The following ZNF292 variants were observed in gnomAD, a reference collection of about 807,000 sequenced individuals.
ZNF292 encodes the protein zinc finger protein 292.
ZNF292 carries 26 observed loss-of-function variants against 217.9 expected under a neutral mutation model. The observed-to-expected ratio is 0.12, with a 90% CI of 0.09 to 0.17. ZNF292 has a LOEUF of 0.17. Ranked by LOEUF, ZNF292 falls within the 10% of genes least tolerant of loss-of-function variation. ZNF292 has a pLI of 1.00. For synonymous variants in ZNF292, 1,257 were observed against 1,124.1 expected, an observed-to-expected ratio of 1.12 and a Z score of -2.37; for missense variants, 2,904 against 3,175.2, an observed-to-expected ratio of 0.91 and a Z score of 2.05.
chr6:87,225,006 A>G (rs1441637196), intron 4 of ZNF292, among the ~76,000 whole-genome samples: 1 of 152,182 alleles, frequency 6.6e-6, no homozygotes, highest in Non-Finnish European at 1.5e-5. Flanking sequence ...CTTTTGCCCC[A>G]TACCCTTACC....
intron 1 of ZNF292, among the ~76,000 whole-genome samples, chr6:87,210,356 C>T (rs1434725380): frequency 6.6e-6 from 1 of 152,022 alleles, no homozygotes; most frequent in Non-Finnish European, 1.5e-5. Context: ...GAAAAAAAGT[C>T]AAAAGTCTCC....
chr6:87,189,231 A>AT (rs1174516256), intron 1 of ZNF292, among the ~76,000 whole-genome samples: 1 of 151,992 alleles, frequency 6.6e-6, no homozygotes, highest in Non-Finnish European at 1.5e-5. Flanking sequence ...AAATAAATAA[A>AT]TAAAATAAAA....
chr6:87,259,831 A>G lies in ZNF292; in HGVS notation c.6202A>G (p.Asn2068Asp), dbSNP rs775888714. 1.9e-5 allele frequency: 31 copies of G among 1,612,610 alleles called. No homozygotes were observed. The highest frequency in any genetic ancestry group is 3.3e-4 in the Middle Eastern group (2 of 6,060). The part of the protein sequence containing the change: ...QVITVTSEQC[N>D]TNALTNTQTK... ...GATTACAGTTACTTCAGAACAATGT[A>G]ATACAAATGCACTCACAAACACACA... Residue 2068 changes from asparagine (N) to aspartate (D), a missense_variant, in exon 8 of 8, where the codon AAT becomes GAT. By Grantham distance (23) the Asn-to-Asp change is conservative. Around this residue, in one of 15 missense-constraint regions of ZNF292, gnomAD observed 261 missense variants for 272.8 expected, o/e 0.96. Transcript: ENST00000369577.
At chr6:87,169,471 A>T (rs2127772528) in intron 1 of ZNF292, among the ~76,000 whole-genome samples, 1 of 152,274 alleles carries the variant, frequency 6.6e-6, no homozygotes, top group Non-Finnish European at 1.5e-5. Flanking sequence ...TTATACAGAT[A>T]ATCAGAAAGC....
At chr6:87,239,931 C>T (rs1403000768) in intron 5 of ZNF292, among the ~76,000 whole-genome samples, 2 of 152,006 alleles carry the variant, frequency 1.3e-5, no homozygotes, top group African/African-American at 2.4e-5. Context: ...AGAGACGCTC[C>T]TCACTTCCCA....
In ZNF292 at chr6:87,264,572, A is replaced by G. The variant is rs117830517; in HGVS notation, c.*2771A>G. Among the ~76,000 whole-genome samples the G allele has an allele frequency of 9.2e-5, 14 of 152,300 alleles. No individual in the cohort carries two copies. In the East Asian group the frequency reaches 2.7e-3, roughly 29 times the overall value. The stretch of plus-strand genomic sequence containing the variant: ...TAGGTAGTTGGGAAAGTCTTTGTAG[A>G]AAATATGAGTTTTGAAAGATGAATG... On this transcript the variant is annotated 3_prime_UTR_variant, in exon 8 of 8. Coordinates refer to ENST00000369577, the MANE Select transcript of ZNF292 (RefSeq NM_015021.3).
chr6:87,172,839 C>T (rs975183419), intron 1 of ZNF292, among the ~76,000 whole-genome samples: 3 of 150,738 alleles, frequency 2.0e-5, no homozygotes, highest in Non-Finnish European at 2.9e-5. Context: ...CCTGGGAAGT[C>T]GAGGTTGCAG....
intron 5 of ZNF292, among the ~76,000 whole-genome samples, chr6:87,243,147 TG>T (rs767385528): frequency 2.0e-5 from 3 of 152,090 alleles, no homozygotes; most frequent in Non-Finnish European, 4.4e-5. Context: ...TCTGATTTAA[TG>T]GGTAGAGATT....
At chr6:87,224,233 C>T (rs1773229785) in intron 4 of ZNF292, among the ~76,000 whole-genome samples, 1 of 152,094 alleles carries the variant, frequency 6.6e-6, no homozygotes, top group South Asian at 2.1e-4. Context: ...TTCTCCATTC[C>T]TTTCAGTGAG....
intron 1 of ZNF292, among the ~76,000 whole-genome samples, chr6:87,196,541 T>A (rs1485619832): frequency 6.6e-6 from 1 of 152,248 alleles, no homozygotes; most frequent in Non-Finnish European, 1.5e-5. Flanking sequence ...TGGGAAAAGT[T>A]ATGTGATTGC....
intron 7 of ZNF292, among the ~76,000 whole-genome samples, chr6:87,250,611 A>G (rs1204365371): frequency 6.6e-6 from 1 of 152,238 alleles, no homozygotes; most frequent in Non-Finnish European, 1.5e-5. Flanking sequence ...GAAGATGTCC[A>G]TAGTTTGTAT....
rs111457939 is a variant in ZNF292 at position 87,174,708 on chromosome 6, C to T, written c.168+18949C>T. On this transcript the variant is annotated intron_variant, in intron 1 of 7. Transcript: ENST00000369577. ...ACTTACGCTGCTTATTCTTGTCTTACGTACTAAGGCCCATTAAACTCATTT... is the reference window on the plus strand; with the variant it reads ...ACTTACGCTGCTTATTCTTGTCTTATGTACTAAGGCCCATTAAACTCATTT... 3.7e-3 allele frequency among the ~76,000 whole-genome samples: 556 copies of T among 152,234 alleles called. 2 individuals carry two copies. Among genetic ancestry groups the T allele is most frequent in the African/African-American group, 0.013 (535 of 41,550 alleles).
chr6:87,259,492 A>G lies in ZNF292; in HGVS notation c.5863A>G (p.Thr1955Ala). Reference sequence around the variant, plus strand: ...CTTTAAATGTGTAGTACCTACATGTACAAAAACATTTACAAGAAATTCTAA... The same window carrying G: ...CTTTAAATGTGTAGTACCTACATGTGCAAAAACATTTACAAGAAATTCTAA... The part of the protein sequence containing the change: ...APFKCVVPTC[T>A]KTFTRNSNLR... Residue 1955 changes from threonine (T) to alanine (A), a missense_variant, in exon 8 of 8, where the codon ACA becomes GCA. This residue lies in a region of ZNF292 where 50 missense variants were observed against 90.5 expected (regional missense o/e 0.55). Coordinates refer to ENST00000369577, the MANE Select transcript of ZNF292 (RefSeq NM_015021.3). 6.3e-7 allele frequency: 1 copy of G among 1,589,444 alleles called. No homozygotes were observed. The highest frequency in any genetic ancestry group is 8.6e-7 in the Non-Finnish European group (1 of 1,166,518).
intron 1 of ZNF292, among the ~76,000 whole-genome samples, chr6:87,198,096 G>C (rs917044961): frequency 3.3e-5 from 5 of 152,162 alleles, no homozygotes; most frequent in Non-Finnish European, 5.9e-5. Context: ...AGAAAATTCA[G>C]ATAGCTAGAG....
Position 87,260,637 on chromosome 6 carries a change from GAAA to G in ZNF292, c.7014_7016del (p.Lys2338del). ...TAAAAATGCCCAAGACCAAACGAAA[GAAA>G]AAAAATAATTTAGAAAACAAGAATG... On this transcript the variant is annotated inframe_deletion, in exon 8 of 8. Transcript: ENST00000369577. The G allele has an allele frequency of 6.2e-7, 1 of 1,611,306 alleles. No individual in the cohort carries two copies. The highest frequency in any genetic ancestry group is 1.3e-5 in the African/African-American group (1 of 74,674).
intron 1 of ZNF292, among the ~76,000 whole-genome samples, chr6:87,183,174 C>G (rs1008678663): frequency 6.6e-6 from 1 of 152,068 alleles, no homozygotes; most frequent in Non-Finnish European, 1.5e-5. Context: ...ATGCTTCATT[C>G]AAGTCTTTGA....
intron 5 of ZNF292, among the ~76,000 whole-genome samples, chr6:87,237,486 C>G (rs1773960367): frequency 6.6e-6 from 1 of 152,216 alleles, no homozygotes; most frequent in African/African-American, 2.4e-5. Flanking sequence ...AGACAATCCT[C>G]CTGTCTTGGC....
intron 1 of ZNF292, among the ~76,000 whole-genome samples, chr6:87,201,304 A>G (rs1262693300): frequency 2.0e-5 from 3 of 152,172 alleles, no homozygotes; most frequent in African/African-American, 4.8e-5. Flanking sequence ...AGTTATTATT[A>G]TCTTCCATTA....
rs1197597844 is a variant in ZNF292, at chr6:87,239,464, T to C, written c.742-4011T>C. Among the ~76,000 whole-genome samples the C allele has an allele frequency of 6.7e-4, 90 of 135,130 alleles. 1 individual carries two copies. Among genetic ancestry groups the C allele is most frequent in the South Asian group, 3.9e-3 (16 of 4,094 alleles). The allele number at this position is 135,130 out of a possible 152,430, so 88.7% of individuals were successfully genotyped here. On this transcript the variant is annotated intron_variant, in intron 5 of 7. Transcript: ENST00000369577. The stretch of plus-strand genomic sequence containing the variant: ...GGCTGCCCCCCACCTACCTCCCGGA[T>C]GGGGCGGCTGGCCGGGCGGGGGCTG...
Sources: gnomAD v4.1 joint callset for allele counts (sites outside exome capture counted in the v4.1 genomes callset) on GRCh38, gnomAD v4.1.1 for gene constraint, gnomAD v4.1.1 regional missense constraint, MANE v1.5 for transcripts, NCBI Gene and HGNC (gene_info 2026-07-23, HGNC 2026-07-21) for gene names.